Variants in RSU1 observed in about 807,000 individuals in gnomAD.
RSU1 encodes the protein rsu-1.
Under a neutral mutation model 31.1 loss-of-function variants are expected in RSU1, and 26 were observed. That is an observed-to-expected ratio of 0.84 (90% CI 0.61 to 1.16). The LOEUF (loss-of-function observed/expected upper bound fraction) is 1.16. Among genes scored for constraint, RSU1 ranks in the 50% most tolerant of loss-of-function variants. RSU1 has a pLI of 0.00. For synonymous variants in RSU1, 164 were observed against 136.3 expected (o/e 1.20, Z -1.41); for missense variants, 320 against 339.1 (o/e 0.94, Z 0.44).
chr10:16,685,917 A>C (rs1176961666), intron 8 of RSU1, among the ~76,000 whole-genome samples: 1 of 152,228 alleles, frequency 6.6e-6, no homozygotes, highest in Non-Finnish European at 1.5e-5. Context: ...ATAAACAAAT[A>C]ATATGCAAAC....
intron 7 of RSU1, chr10:16,722,947 T>C (rs1003352277): frequency 6.0e-5 from 9 of 149,486 alleles, no homozygotes; most frequent in South Asian, 2.1e-4. Flanking sequence ...TACATATATG[T>C]ATATATACAC....
At chr10:16,639,703 G>A (rs1387776991) in intron 8 of RSU1, among the ~76,000 whole-genome samples, 1 of 152,136 alleles carries the variant, frequency 6.6e-6, no homozygotes, top group Non-Finnish European at 1.5e-5. Flanking sequence ...AAATCACCAG[G>A]GAAACACTTT....
chr10:16,742,400 C>T (rs1311738410), intron 7 of RSU1, among the ~76,000 whole-genome samples: 1 of 152,094 alleles, frequency 6.6e-6, no homozygotes, highest in Non-Finnish European at 1.5e-5. Flanking sequence ...CTTTCAAACT[C>T]CCACTGCACT....
At chr10:16,616,971 G>A (rs963395003) in intron 8 of RSU1, among the ~76,000 whole-genome samples, 3 of 152,140 alleles carry the variant, frequency 2.0e-5, no homozygotes, top group Non-Finnish European at 4.4e-5. Context: ...CACTCCTATA[G>A]TATTGGAAGC....
chr10:16,815,076 C>A (rs1838499098), intron 2 of RSU1, among the ~76,000 whole-genome samples: 2 of 152,260 alleles, frequency 1.3e-5, no homozygotes, highest in African/African-American at 4.8e-5. Flanking sequence ...CCTTCTCTTT[C>A]TCCTCTGTAT....
chr10:16,793,742 T>C (rs1218123281), intron 2 of RSU1, among the ~76,000 whole-genome samples: 1 of 152,026 alleles, frequency 6.6e-6, no homozygotes, highest in African/African-American at 2.4e-5. Context: ...ATGAGTGAGA[T>C]GCAGCTGCTG....
chr10:16,626,856 C>A (rs1182403712), intron 8 of RSU1, among the ~76,000 whole-genome samples: 3 of 152,252 alleles, frequency 2.0e-5, no homozygotes, highest in Non-Finnish European at 4.4e-5. Context: ...CATGAATAAG[C>A]CAGGCCTGGA....
intron 8 of RSU1, among the ~76,000 whole-genome samples, chr10:16,628,024 T>C (rs141475349): frequency 6.6e-6 from 1 of 152,266 alleles, no homozygotes. Flanking sequence ...GGGAGACTAA[T>C]AACGTATGGC....
At chr10:16,676,930 G>A (rs1204598672) in intron 8 of RSU1, among the ~76,000 whole-genome samples, 1 of 152,180 alleles carries the variant, frequency 6.6e-6, no homozygotes, top group African/African-American at 2.4e-5. Flanking sequence ...TGAATTGCAG[G>A]AAGCTAGCCC....
chr10:16,706,494 A>G (rs1338116110), intron 7 of RSU1, among the ~76,000 whole-genome samples: 2 of 152,202 alleles, frequency 1.3e-5, no homozygotes, highest in Non-Finnish European at 2.9e-5. Context: ...TATATACTCT[A>G]AATTTTAATC....
intron 8 of RSU1, among the ~76,000 whole-genome samples, chr10:16,600,254 T>A (rs1833695378): frequency 6.6e-6 from 1 of 152,050 alleles, no homozygotes; most frequent in Non-Finnish European, 1.5e-5. Context: ...AATGCCAACG[T>A]GGGAGTGGGC....
At chr10:16,636,382 C>A (rs950300576) in intron 8 of RSU1, among the ~76,000 whole-genome samples, 1 of 152,132 alleles carries the variant, frequency 6.6e-6, no homozygotes, top group Non-Finnish European at 1.5e-5. Context: ...CTCTCCCAAC[C>A]TACATCCAAT....
intron 7 of RSU1, chr10:16,748,059 T>A (rs1836893783): frequency 6.6e-6 from 1 of 152,316 alleles, no homozygotes; most frequent in African/African-American, 2.4e-5. Flanking sequence ...GATCATGCTA[T>A]GCCTTTCCTC....
intron 8 of RSU1, among the ~76,000 whole-genome samples, chr10:16,646,736 A>T (rs1230784489): frequency 6.6e-6 from 1 of 152,266 alleles, no homozygotes; most frequent in Non-Finnish European, 1.5e-5. Context: ...CTTGCAAGGC[A>T]TTGTAACTAA....
At chr10:16,641,185 T>A (rs1238975335) in intron 8 of RSU1, among the ~76,000 whole-genome samples, 1 of 152,184 alleles carries the variant, frequency 6.6e-6, no homozygotes, top group Non-Finnish European at 1.5e-5. Flanking sequence ...ACACTCAGGC[T>A]CTAGGATCAC....
At chr10:16,695,997 T>G (rs1307569090) in intron 7 of RSU1, among the ~76,000 whole-genome samples, 7 of 151,060 alleles carry the variant, frequency 4.6e-5, no homozygotes, top group African/African-American at 1.7e-4. Flanking sequence ...CAGTTGACTG[T>G]TTTTTTTTCT....
At chr10:16,675,369 A>G (rs940044219) in intron 8 of RSU1, among the ~76,000 whole-genome samples, 4 of 152,170 alleles carry the variant, frequency 2.6e-5, no homozygotes, top group African/African-American at 9.7e-5. Flanking sequence ...CTACCTAGAC[A>G]TCAGGTGACC....
chr10:16,785,511 C>CAG (rs1383723947), intron 2 of RSU1, among the ~76,000 whole-genome samples: 2 of 133,748 alleles, frequency 1.5e-5, no homozygotes, highest in Non-Finnish European at 3.1e-5. Context: ...CACATATATA[C>CAG]ATATATATAT....
At chr10:16,638,296 C>T (rs140466524) in intron 8 of RSU1, among the ~76,000 whole-genome samples, 41 of 152,194 alleles carry the variant, frequency 2.7e-4, no homozygotes, top group African/African-American at 9.4e-4. Context: ...GAACGTAATG[C>T]CTTTTTTTCG....
Sources: allele counts gnomAD v4.1 joint callset (sites outside exome capture counted in the v4.1 genomes callset), GRCh38; gene constraint gnomAD v4.1.1; transcripts MANE v1.5; gene names NCBI Gene and HGNC (gene_info 2026-07-23, HGNC 2026-07-21).